Variants in NEXMIF observed in about 807,000 individuals in gnomAD.
The protein encoded by NEXMIF is neurite extension and migration factor, also known as XLMR protein related to neurite extension.
Under a neutral mutation model 62.1 loss-of-function variants are expected in NEXMIF, and 8 were observed. The observed-to-expected ratio is 0.13, with a 90% CI of 0.08 to 0.23. The LOEUF (loss-of-function observed/expected upper bound fraction) is 0.23. Ranked by LOEUF, NEXMIF falls within the 10% of genes least tolerant of loss-of-function variation. The pLI, the probability that NEXMIF is intolerant of heterozygous loss-of-function variation, is 1.00. For missense variants in NEXMIF, 976 were observed against 1,113.3 expected, an observed-to-expected ratio of 0.88 and a Z score of 1.75; for synonymous variants, 404 against 416.6, an observed-to-expected ratio of 0.97 and a Z score of 0.37.
chrX:74,757,980 C>T (rs749795401), intron 1 of NEXMIF, among the ~76,000 whole-genome samples: 10 of 111,443 alleles, frequency 9.0e-5, no homozygotes, highest in Non-Finnish European at 1.9e-4. Context: ...TTAGCCAGTT[C>T]GAAGATGTTA....
At position 74,734,323 on chromosome X, in the gene NEXMIF, A is replaced by T. The variant is rs1002272692; in HGVS notation, c.*5082T>A. 1.8e-5 allele frequency: 2 copies of T among 112,185 alleles called. No individual in the cohort carries two copies. Among genetic ancestry groups the T allele is most frequent in the Admixed American group, 9.5e-5 (1 of 10,526 alleles). The allele number at this position is 112,185 out of a possible 1,213,427, so 9.2% of individuals were successfully genotyped here. A position where few individuals can be genotyped will look rare whatever the true frequency, so the allele number is the denominator to read the frequency against. ...GCATTCAGTTCTATGGAAACTAAGGACTAGTACATTCAAAACTCTGTAGGC... is the reference window on the plus strand; with the variant it reads ...GCATTCAGTTCTATGGAAACTAAGGTCTAGTACATTCAAAACTCTGTAGGC... On this transcript the variant is annotated 3_prime_UTR_variant, in exon 4 of 4. Coordinates refer to ENST00000055682, the MANE Select transcript of NEXMIF (RefSeq NM_001008537.3).
chrX:74,793,821 C>T (rs1201484492), intron 1 of NEXMIF, among the ~76,000 whole-genome samples: 1 of 77,400 alleles, frequency 1.3e-5, no homozygotes, highest in African/African-American at 4.6e-5. Context: ...TGGTTTTCAG[C>T]TCCATCAGCT....
chrX:74,901,010 T>C (rs138344555), intron 1 of NEXMIF, among the ~76,000 whole-genome samples: 287 of 110,801 alleles, frequency 2.6e-3, no homozygotes, highest in African/African-American at 9.0e-3. Flanking sequence ...GAAGGGAAAA[T>C]AGGGAGCTGT....
At chrX:74,904,148 C>T (rs1224123644) in intron 1 of NEXMIF, among the ~76,000 whole-genome samples, 1 of 110,950 alleles carries the variant, frequency 9.0e-6, no homozygotes. Context: ...AAGGGCAACA[C>T]TTGCCCTTGC....
intron 1 of NEXMIF, among the ~76,000 whole-genome samples, chrX:74,779,642 CTCTG>C (rs767502741): frequency 3.6e-5 from 4 of 112,114 alleles, no homozygotes; most frequent in Non-Finnish European, 5.6e-5. Context: ...TGCCTTCTTC[CTCTG>C]TCTTTCTTAA....
chrX:74,874,201 T>A (rs1712464443), intron 1 of NEXMIF, among the ~76,000 whole-genome samples: 1 of 110,120 alleles, frequency 9.1e-6, no homozygotes, highest in South Asian at 4.0e-4. Flanking sequence ...AGTTTCAGCT[T>A]TCTACATCTG....
chrX:74,757,886 A>G (rs2080163976), intron 1 of NEXMIF, among the ~76,000 whole-genome samples: 1 of 111,783 alleles, frequency 8.9e-6, no homozygotes, highest in Non-Finnish European at 1.9e-5. Flanking sequence ...CCAGTGCCTG[A>G]TGGGAAGTTT....
intron 1 of NEXMIF, among the ~76,000 whole-genome samples, chrX:74,875,534 T>C (rs1334105641): frequency 1.8e-5 from 2 of 112,135 alleles, no homozygotes; most frequent in Non-Finnish European, 3.8e-5. Flanking sequence ...GGAGTCCCTC[T>C]TTTTCTATTG....
intron 1 of NEXMIF, among the ~76,000 whole-genome samples, chrX:74,884,910 A>G (rs1461204720): frequency 9.0e-6 from 1 of 111,671 alleles, no homozygotes; most frequent in African/African-American, 3.3e-5. Flanking sequence ...AGCAGTCCTC[A>G]GCAAATGTAA....
At chrX:74,888,983 G>A (rs1444296683) in intron 1 of NEXMIF, among the ~76,000 whole-genome samples, 1 of 111,897 alleles carries the variant, frequency 8.9e-6, no homozygotes, top group Non-Finnish European at 1.9e-5. Flanking sequence ...TAGCTATATG[G>A]CCTTGAGCTA....
chrX:74,885,977 T>G (rs2080691063), intron 1 of NEXMIF, among the ~76,000 whole-genome samples: 1 of 112,226 alleles, frequency 8.9e-6, no homozygotes, highest in African/African-American at 3.2e-5. Context: ...ATCCCTGGGA[T>G]GCAAGGCTGG....
intron 1 of NEXMIF, among the ~76,000 whole-genome samples, chrX:74,776,748 A>G (rs1036336348): frequency 1.5e-4 from 16 of 107,362 alleles, no homozygotes; most frequent in African/African-American, 5.4e-4. Context: ...AAAAAAAACA[A>G]ACAAAAAAAG....
rs188825983 is a variant in NEXMIF, at chrX:74,871,749, C to G, written c.-48+53134G>C. ...AAATATGTCTCTATTCTGCTCGACC[C>G]CACAGGCAGTCAGCCCTTATGGTTA... On this transcript the variant is annotated intron_variant, in intron 1 of 3. Coordinates refer to ENST00000055682, the MANE Select transcript of NEXMIF (RefSeq NM_001008537.3). Among the ~76,000 whole-genome samples the G allele has an allele frequency of 3.2e-3, 359 of 111,719 alleles. 2 individuals are homozygous for G. The highest frequency in any genetic ancestry group is 0.011 in the African/African-American group (342 of 30,761).
At chrX:74,904,747 C>T (rs768357935) in intron 1 of NEXMIF, among the ~76,000 whole-genome samples, 10 of 110,888 alleles carry the variant, frequency 9.0e-5, no homozygotes, top group Non-Finnish European at 1.1e-4. Flanking sequence ...TCCTTGGAAA[C>T]GTTTCAAGTA....
At chrX:74,785,015 A>C (rs1488737685) in intron 1 of NEXMIF, among the ~76,000 whole-genome samples, 1 of 111,746 alleles carries the variant, frequency 8.9e-6, no homozygotes, top group African/African-American at 3.3e-5. Context: ...TGGAGGATTA[A>C]GCACAACCTG....
At chrX:74,810,650 A>T (rs1357863920) in intron 1 of NEXMIF, among the ~76,000 whole-genome samples, 1 of 108,075 alleles carries the variant, frequency 9.3e-6, no homozygotes, top group Non-Finnish European at 1.9e-5. Flanking sequence ...AAAAAAAAAA[A>T]GGAAATCTGT....
Position 74,740,991 on chromosome X carries a change from T to C in NEXMIF, c.3566A>G (p.Gln1189Arg), listed in dbSNP as rs1292138020. 1.7e-6 allele frequency: 2 copies of C among 1,210,169 alleles called. No individual in the cohort carries two copies. Among genetic ancestry groups the C allele is most frequent in the East Asian group, 3.0e-5 (1 of 33,761 alleles). ...SSPSKSGAMNQSSSQKNTRKK... is the reference protein window; with the variant it reads ...SSPSKSGAMNRSSSQKNTRKK... The stretch of plus-strand genomic sequence containing the variant: ...CCTGGTGTTTTTCTGAGAAGAGCTT[T>C]GGTTCATAGCCCCACTCTTGCTGGG... Residue 1189 changes from glutamine (Q) to arginine (R), a missense_variant, in exon 3 of 4, where the codon CAA (glutamine) becomes CGA (arginine). Physicochemically the swap from Gln to Arg is conservative, Grantham distance 43 (BLOSUM62 1). Transcript: ENST00000055682.
chrX:74,837,304 C>T (rs1227627860), intron 1 of NEXMIF, among the ~76,000 whole-genome samples: 1 of 111,715 alleles, frequency 9.0e-6, no homozygotes, highest in African/African-American at 3.3e-5. Context: ...TTTCTGTGTG[C>T]AGATAGTTGT....
intron 1 of NEXMIF, among the ~76,000 whole-genome samples, chrX:74,752,488 C>T (rs1263307441): frequency 4.5e-5 from 5 of 111,312 alleles, no homozygotes; most frequent in Non-Finnish European, 5.6e-5. Context: ...CTCTCTGTAC[C>T]GGTTTTATCT....
Sources: gnomAD v4.1 joint callset for allele counts (sites outside exome capture counted in the v4.1 genomes callset) on GRCh38, gnomAD v4.1.1 for gene constraint, MANE v1.5 for transcripts, NCBI Gene and HGNC (gene_info 2026-07-23, HGNC 2026-07-21) for gene names.